DAZAP2: variants seen among roughly 807,000 people sequenced by gnomAD.
DAZAP2 encodes DAZ associated protein 2.
A neutral mutation model predicts 16.2 loss-of-function variants in DAZAP2; 3 were observed. The observed-to-expected ratio is 0.19, with a 90% CI of 0.08 to 0.48. DAZAP2 has a LOEUF of 0.48. DAZAP2 is among the 20% of genes least tolerant of loss of function. The pLI, the probability that DAZAP2 is intolerant of heterozygous loss-of-function variation, is 0.98. For synonymous variants in DAZAP2, 69 were observed against 77.6 expected (o/e 0.89, Z 0.58); for missense variants, 172 against 215.9 (o/e 0.80, Z 1.27).
At chr12:51,241,612 G>T (rs1214449176) in intron 3 of DAZAP2, among the ~76,000 whole-genome samples, 1 of 152,178 alleles carries the variant, frequency 6.6e-6, no homozygotes, top group Non-Finnish European at 1.5e-5. Flanking sequence ...GTAACTACAT[G>T]CTAGAGATGA....
chr12:51,245,866 GA>G, downstream of DAZAP2: 1 of 1,509,246 alleles, frequency 6.6e-7, no homozygotes, highest in Non-Finnish European at 8.9e-7. Flanking sequence ...TGGCTTCAGA[GA>G]AAACTTTCCC....
chr12:51,239,982 G>C (rs1246780691), intron 1 of DAZAP2: 1 of 242,054 alleles, frequency 4.1e-6, no homozygotes, highest in African/African-American at 2.2e-5. Flanking sequence ...TTGTAGACAG[G>C]CTGTGGAGAC....
At position 51,242,602 on chromosome 12, in the gene DAZAP2, C is replaced by T; in HGVS notation, c.*144C>T. On this transcript the variant is annotated 3_prime_UTR_variant, in exon 4 of 4. Coordinates refer to ENST00000412716, the MANE Select transcript of DAZAP2 (RefSeq NM_014764.4). ...TCTTTCTGGTGCCCAAACTTTCAGG[C>T]ACTTTTCAAATTTAATAAGGAACCA... 4 of 1,590,518 alleles carry T rather than the reference C, an allele frequency of 2.5e-6. No homozygotes were observed. The highest frequency in any genetic ancestry group is 3.4e-6 in the Non-Finnish European group (4 of 1,168,212).
intron 1 of DAZAP2, chr12:51,239,127 C>A: frequency 1.5e-6 from 1 of 685,190 alleles, no homozygotes; most frequent in Non-Finnish European, 2.3e-6. Flanking sequence ...CCTCCGTAAA[C>A]TCTGTGGCGC....
Position 51,241,064 on chromosome 12 carries a change from G to T in DAZAP2, c.326G>T (p.Gly109Val), listed in dbSNP as rs1289722911. The T allele has an allele frequency of 2.6e-5, 42 of 1,614,090 alleles. No homozygotes were observed. Among genetic ancestry groups the T allele is most frequent in the Non-Finnish European group, 3.6e-5 (42 of 1,180,044 alleles). The change falls in exon 3 of 4, where the codon GGG becomes GTG. Residue 109 changes from glycine (G) to valine (V), a missense_variant. Physicochemically the swap from Gly to Val is moderately radical, Grantham distance 109. Transcript: ENST00000412716. ...PPGSTVLVEG[G>V]YDAGARFGAG... ...GGCTCCACAGTGCTGGTGGAAGGAG[G>T]GTATGATGCAGGTGCCAGATTTGGA...
Position 51,242,158 on chromosome 12 carries a change from G to A in DAZAP2, c.379-172G>A, listed in dbSNP as rs545507578. Among the ~76,000 whole-genome samples, 39 of 152,100 alleles carry A rather than the reference G, an allele frequency of 2.6e-4. No homozygotes were observed. The South Asian group carries it at 8.1e-3, about 32-fold the overall frequency. ...GCTCCCTTTCCTGTTTGTATCTTTG[G>A]GTTCACATAAAGTATAGACCTACTT... On this transcript the variant is annotated intron_variant, in intron 3 of 3. Transcript: ENST00000412716.
At chr12:51,241,266 G>A in intron 3 of DAZAP2, 150 bp downstream of exon 3, 1 of 1,277,526 alleles carries the variant, frequency 7.8e-7, no homozygotes, top group Non-Finnish European at 1.1e-6. Context: ...AAGTGTTTGA[G>A]GGGGCAGAAC....
rs1371211431 is a variant in DAZAP2 at position 51,243,879 on chromosome 12, G to C, written c.*1421G>C. 1 of 985,346 alleles carries C rather than the reference G, an allele frequency of 1.0e-6. No homozygotes were observed. Among genetic ancestry groups the C allele is most frequent in the East Asian group, 1.1e-4 (1 of 8,822 alleles). The allele number at this position is 985,346 out of a possible 1,614,324, so 61.0% of individuals were successfully genotyped here. A position where few individuals can be genotyped will look rare whatever the true frequency, so the allele number is the denominator to read the frequency against. ...ATCTAGAATTCAGCTAGGTGCTGCT[G>C]CTGCTCTGTTTCCTTTGATGACGCT... On this transcript the variant is annotated 3_prime_UTR_variant, in exon 4 of 4. Coordinates refer to ENST00000412716, the MANE Select transcript of DAZAP2 (RefSeq NM_014764.4).
intron 2 of DAZAP2, 162 bp downstream of exon 2, chr12:51,240,623 ATTAT>A: frequency 1.2e-6 from 1 of 848,546 alleles, no homozygotes; most frequent in Non-Finnish European, 1.8e-6. Flanking sequence ...TTGAAAGTGC[ATTAT>A]TTGATGATTT....
chr12:51,241,240 C>A, intron 3 of DAZAP2, 124 bp downstream of exon 3: 1 of 1,438,262 alleles, frequency 7.0e-7, no homozygotes, highest in Non-Finnish European at 9.4e-7. Context: ...CTACTGACAT[C>A]CAATACTCAG....
Position 51,243,264 on chromosome 12 carries a change from C to T in DAZAP2, c.*806C>T, listed in dbSNP as rs560246340. 5.4e-5 allele frequency: 53 copies of T among 985,716 alleles called. No individual in the cohort carries two copies. In the Admixed American group the frequency reaches 5.5e-4, roughly 10 times the overall value. 61.1% of individuals were successfully genotyped at this position (985,716 alleles called of 1,614,324 possible). A position where few individuals can be genotyped will look rare whatever the true frequency, so the allele number is the denominator to read the frequency against. The stretch of plus-strand genomic sequence containing the variant: ...CTGAGCTATGTTTGAACAAAGATGT[C>T]GTGCAAACTGTACTGTGAACAACAG... On this transcript the variant is annotated 3_prime_UTR_variant, in exon 4 of 4. Transcript: ENST00000412716.
rs572861649 is a variant in DAZAP2 at position 51,242,872 on chromosome 12, A to G, written c.*414A>G. On this transcript the variant is annotated 3_prime_UTR_variant, in exon 4 of 4. Transcript: ENST00000412716. ...CTTTAATCTCCTTTAAGTCTTTGATATATATTACTTGTTATAAATGGAACG... is the reference window on the plus strand; with the variant it reads ...CTTTAATCTCCTTTAAGTCTTTGATGTATATTACTTGTTATAAATGGAACG... 2 of 1,326,614 alleles carry G rather than the reference A, an allele frequency of 1.5e-6. No homozygotes were observed. The highest frequency in any genetic ancestry group is 1.9e-6 in the Non-Finnish European group (2 of 1,041,682). The allele number at this position is 1,326,614 out of a possible 1,614,324, so 82.2% of individuals were successfully genotyped here. A position where few individuals can be genotyped will look rare whatever the true frequency, so the allele number is the denominator to read the frequency against.
At chr12:51,242,281 G>C (rs1053166394) in intron 3 of DAZAP2, 49 bp from the exon 4 acceptor site, 2 of 1,527,214 alleles carry the variant, frequency 1.3e-6, no homozygotes, top group Non-Finnish European at 1.8e-6. Flanking sequence ...TGTCCCCTTC[G>C]CTTATATTAG....
At chr12:51,240,755 T>C in intron 2 of DAZAP2, 116 bp from the exon 3 acceptor site, 2 of 1,420,796 alleles carry the variant, frequency 1.4e-6, no homozygotes, top group Non-Finnish European at 1.9e-6. Flanking sequence ...AGGCAACTTG[T>C]ATAATCTTAC....
Position 51,240,322 on chromosome 12 carries a change from C to G in DAZAP2, c.14-21C>G, listed in dbSNP as rs1330915904. On this transcript the variant is annotated intron_variant, in intron 1 of 3. Coordinates refer to ENST00000412716, the MANE Select transcript of DAZAP2 (RefSeq NM_014764.4). ...GTAGCTCTGTGTAGTAGGCAACCTT[C>G]ATTTTTTTCTTGTCTTTCAGGTCAA... is the stretch of plus-strand genomic sequence containing the variant. The G allele has an allele frequency of 3.7e-6, 6 of 1,602,646 alleles. No individual in the cohort carries two copies. In the Admixed American group the frequency reaches 1.0e-4, roughly 27 times the overall value.
At chr12:51,239,322 C>A in intron 1 of DAZAP2, 1 of 220,098 alleles carries the variant, frequency 4.5e-6, no homozygotes, top group Non-Finnish European at 9.3e-6. Context: ...GGTTCGTGGG[C>A]CGGGGCCTGT....
chr12:51,245,788 G>T, downstream of DAZAP2: 1 of 759,502 alleles, frequency 1.3e-6, no homozygotes, highest in Non-Finnish European at 2.1e-6. Context: ...TGGAGTCAGT[G>T]ATGTCGGCAT....
intron 3 of DAZAP2, 140 bp from the exon 4 acceptor site, chr12:51,242,190 T>G: frequency 8.1e-7 from 1 of 1,228,824 alleles, no homozygotes; most frequent in Middle Eastern, 2.3e-4. Flanking sequence ...ACTTTAGAAC[T>G]CAAATTGGTG....
At chr12:51,242,257 C>T in intron 3 of DAZAP2, 73 bp from the exon 4 acceptor site, 2 of 1,510,842 alleles carry the variant, frequency 1.3e-6, no homozygotes, top group South Asian at 2.7e-5. Flanking sequence ...CCTAACAGGC[C>T]TCTGCTTCCC....
Sources: allele counts gnomAD v4.1 joint callset (sites outside exome capture counted in the v4.1 genomes callset), GRCh38; gene constraint gnomAD v4.1.1; transcripts MANE v1.5; gene names NCBI Gene and HGNC (gene_info 2026-07-23, HGNC 2026-07-21).